PYHIN1: variants seen among roughly 807,000 people sequenced by gnomAD.
PYHIN1 encodes pyrin and HIN domain family member 1, also known as pyrin and HIN domain-containing protein 1.
PYHIN1 carries 32 observed loss-of-function variants against 43.7 expected under a neutral mutation model. That is an observed-to-expected ratio of 0.73 (90% CI 0.55 to 0.98). The LOEUF (loss-of-function observed/expected upper bound fraction) is 0.98. Among genes scored for constraint, PYHIN1 ranks in the 50% least tolerant of loss-of-function variants. PYHIN1 has a pLI of 0.00. For synonymous variants in PYHIN1, 205 were observed against 203.1 expected (o/e 1.01, Z -0.08); for missense variants, 588 against 589.5 (o/e 1.00, Z 0.03).
At chr1:158,961,755 A>G (rs777989988) in intron 7 of PYHIN1, among the ~76,000 whole-genome samples, 2 of 152,120 alleles carry the variant, frequency 1.3e-5, no homozygotes, top group Non-Finnish European at 2.9e-5. Flanking sequence ...GGGAAAGCTA[A>G]GTGGAGCCTG....
chr1:158,972,801 C>G lies in PYHIN1; in HGVS notation c.1360-846C>G, dbSNP rs141664793. ...CTGATAACCCCATCCAAAAATAAGACAGATCATCTCTTTGTGTCCTTCACA... is the reference window on the plus strand; with the variant it reads ...CTGATAACCCCATCCAAAAATAAGAGAGATCATCTCTTTGTGTCCTTCACA... On this transcript the variant is annotated intron_variant, in intron 7 of 8. Transcript: ENST00000368140. Among the ~76,000 whole-genome samples the G allele has an allele frequency of 2.5e-3, 384 of 152,174 alleles. 1 individual carries two copies. Among genetic ancestry groups the G allele is most frequent in the African/African-American group, 8.6e-3 (357 of 41,544 alleles).
chr1:158,938,348 C>T, intron 2 of PYHIN1, 49 bp from the exon 3 acceptor site: 1 of 1,598,620 alleles, frequency 6.3e-7, no homozygotes, highest in Non-Finnish European at 8.6e-7. Context: ...CTTCGGGTGT[C>T]CCCGATCATC....
In PYHIN1 at chr1:158,933,255, C is replaced by T. The variant is rs856124; in HGVS notation, c.-21+1479C>T. On this transcript the variant is annotated intron_variant, in intron 1 of 8. Transcript: ENST00000368140. This position sits in a 1 kb window ranked among gnomAD's most constrained non-coding sequence, Gnocchi z 6.3. ...ATATAAATATATATATTTGTGGCACCGTGTACATATGTGTGTATATGAAGA... is the reference window on the plus strand; with the variant it reads ...ATATAAATATATATATTTGTGGCACTGTGTACATATGTGTGTATATGAAGA... Among the ~76,000 whole-genome samples the T allele has an allele frequency of 0.013, 1,984 of 150,980 alleles. 25 individuals carry two copies. Among genetic ancestry groups the T allele is most frequent in the South Asian group, 0.04 (192 of 4,772 alleles).
At chr1:158,944,798 G>A in intron 6 of PYHIN1, 77 bp from the exon 7 acceptor site, 3 of 1,094,184 alleles carry the variant, frequency 2.7e-6, no homozygotes, top group Middle Eastern at 4.5e-4. Context: ...AATAAAGGAT[G>A]ATATTCTCAC....
chr1:158,973,291 T>A (rs895266871), intron 7 of PYHIN1, among the ~76,000 whole-genome samples: 1 of 152,004 alleles, frequency 6.6e-6, no homozygotes, highest in Non-Finnish European at 1.5e-5. Context: ...CTGAAGAGTG[T>A]CTACAGATTT....
intron 7 of PYHIN1, among the ~76,000 whole-genome samples, chr1:158,973,064 G>T (rs567479910): frequency 1.3e-5 from 2 of 152,094 alleles, no homozygotes; most frequent in East Asian, 3.9e-4. Flanking sequence ...CAGTGAACAA[G>T]AAGTCAACTT....
chr1:158,983,546 T>C, the PYHIN1 span, among the ~76,000 whole-genome samples: 1 of 151,854 alleles, frequency 6.6e-6, no homozygotes, highest in African/African-American at 2.4e-5. Flanking sequence ...TTGCTAGTAT[T>C]TTTTTTTGAG....
At chr1:158,986,836 T>G in the PYHIN1 span, among the ~76,000 whole-genome samples, 1 of 152,186 alleles carries the variant, frequency 6.6e-6, no homozygotes, top group Non-Finnish European at 1.5e-5. Context: ...CTGCCAACTC[T>G]CTTGGCACTT....
chr1:158,943,005 C>CA (rs2101660030), intron 5 of PYHIN1, among the ~76,000 whole-genome samples: 1 of 151,848 alleles, frequency 6.6e-6, no homozygotes, highest in Admixed American at 6.6e-5. Context: ...AGATATGTCG[C>CA]AAAAAAAGAG....
chr1:158,933,217 CAT>C lies in PYHIN1; in HGVS notation c.-21+1443_-21+1444del, dbSNP rs1348445315. 6.6e-6 allele frequency among the ~76,000 whole-genome samples: 1 copy of C among 151,306 alleles called. No homozygotes were observed. The highest frequency in any genetic ancestry group is 1.5e-5 in the Non-Finnish European group (1 of 67,798). On this transcript the variant is annotated intron_variant, in intron 1 of 8. Coordinates refer to ENST00000368140, the MANE Select transcript of PYHIN1 (RefSeq NM_152501.5). The surrounding 1 kb of genome is among the most constrained non-coding windows in gnomAD (Gnocchi z 6.3). ...GTGATCATGCATACATGTTTCCAAA[CAT>C]AAACATACACATATAAATATATATA...
In PYHIN1 at chr1:158,942,064, A is replaced by G. The variant is rs762756359; in HGVS notation, c.667A>G (p.Thr223Ala). Residue 223 changes from threonine to alanine, a missense_variant, in exon 5 of 9, where the codon ACA (threonine) becomes GCA (alanine). Thr to Ala is a moderately conservative substitution (Grantham distance 58, BLOSUM62 0). Transcript: ENST00000368140. The stretch of plus-strand genomic sequence containing the variant: ...AATAATCGCGATGGTACTAAATGCA[A>G]CAAAAGTATTTAAATATGAATCCTC... ...DPIIAMVLNA[T>A]KVFKYESSEN... 1 of 1,614,112 alleles carries G rather than the reference A, an allele frequency of 6.2e-7. No individual in the cohort carries two copies. Among genetic ancestry groups the G allele is most frequent in the Non-Finnish European group, 8.5e-7 (1 of 1,179,970 alleles).
intron 1 of PYHIN1, among the ~76,000 whole-genome samples, chr1:158,934,533 A>C (rs1648389394): frequency 6.6e-6 from 1 of 151,426 alleles, no homozygotes; most frequent in Non-Finnish European, 1.5e-5. Context: ...TGGAGTATTT[A>C]TTTGTTTTTT....
chr1:158,953,720 C>T (rs1649733795), intron 7 of PYHIN1, among the ~76,000 whole-genome samples: 1 of 152,222 alleles, frequency 6.6e-6, no homozygotes, highest in East Asian at 1.9e-4. Context: ...AAACGCAGTT[C>T]CTCACCAGCA....
intron 3 of PYHIN1, among the ~76,000 whole-genome samples, chr1:158,938,787 A>G (rs1648719670): frequency 1.3e-5 from 2 of 152,228 alleles, no homozygotes; most frequent in African/African-American, 4.8e-5. Flanking sequence ...AAGGATGTTA[A>G]CTTGAGAGTC....
In PYHIN1 at chr1:158,936,983, G is replaced by C. The variant is rs1175110573; in HGVS notation, c.73G>C (p.Val25Leu). ...CATCAATGATTATCATTTTAGAATTGTTAAGTCCTTACTGAGTAACGATTT... is the reference window on the plus strand; with the variant it reads ...CATCAATGATTATCATTTTAGAATTCTTAAGTCCTTACTGAGTAACGATTT... ...EVINDYHFRIVKSLLSNDLKL... is the reference protein window; with the variant it reads ...EVINDYHFRILKSLLSNDLKL... Residue 25 changes from valine (V) to leucine (L), a missense_variant, in exon 2 of 9, where the codon GTT becomes CTT. Val to Leu is a conservative substitution (Grantham distance 32). Coordinates refer to ENST00000368140, the MANE Select transcript of PYHIN1 (RefSeq NM_152501.5). 6.2e-7 allele frequency: 1 copy of C among 1,612,450 alleles called. No homozygotes were observed. Among genetic ancestry groups the C allele is most frequent in the African/African-American group, 1.3e-5 (1 of 74,864 alleles).
chr1:158,979,950 G>A (rs1177263727), downstream of PYHIN1, among the ~76,000 whole-genome samples: 1 of 152,070 alleles, frequency 6.6e-6, no homozygotes, highest in East Asian at 1.9e-4. Context: ...TGTACTCAAT[G>A]TTTAGCTCCT....
intron 7 of PYHIN1, among the ~76,000 whole-genome samples, chr1:158,953,502 A>T (rs567829752): frequency 0.1 from 15,245 of 148,586 alleles, 909 homozygotes; most frequent in Non-Finnish European, 0.12. Context: ...CTGACACCTC[A>T]CACGGCAGGG....
intron 7 of PYHIN1, among the ~76,000 whole-genome samples, chr1:158,957,657 AG>A (rs2101698321): frequency 7.0e-6 from 1 of 142,266 alleles, no homozygotes; most frequent in African/African-American, 2.6e-5. Context: ...AAACCCTAGA[AG>A]AAAACCTAGG....
intron 7 of PYHIN1, among the ~76,000 whole-genome samples, chr1:158,952,790 C>T (rs565389063): frequency 6.6e-6 from 1 of 152,322 alleles, no homozygotes; most frequent in East Asian, 1.9e-4. Context: ...TATACAGCTC[C>T]CAGCGTAAGC....
Sources: gnomAD v4.1 joint callset for allele counts (sites outside exome capture counted in the v4.1 genomes callset) on GRCh38, gnomAD v4.1.1 for gene constraint, Gnocchi (gnomAD v3.1) non-coding constraint, MANE v1.5 for transcripts, NCBI Gene and HGNC (gene_info 2026-07-23, HGNC 2026-07-21) for gene names.